JAKMIP2: variants seen among roughly 807,000 people sequenced by gnomAD.
The protein encoded by JAKMIP2 is janus kinase and microtubule interacting protein 2, also known as janus kinase and microtubule-interacting protein 2.
Under a neutral mutation model 115.0 loss-of-function variants are expected in JAKMIP2, and 25 were observed. The observed-to-expected ratio is 0.22, with a 90% CI of 0.16 to 0.30. JAKMIP2 has a LOEUF of 0.30. Ranked by LOEUF, JAKMIP2 falls within the 10% of genes least tolerant of loss-of-function variation. The pLI, the probability that JAKMIP2 is intolerant of heterozygous loss-of-function variation, is 1.00. For synonymous variants in JAKMIP2, 334 were observed against 343.6 expected (o/e 0.97, Z 0.31); for missense variants, 642 against 957.6 (o/e 0.67, Z 4.35).
intron 1 of JAKMIP2, among the ~76,000 whole-genome samples, chr5:147,712,667 A>C (rs1267453353): frequency 6.6e-6 from 1 of 152,094 alleles, no homozygotes; most frequent in Non-Finnish European, 1.5e-5. Context: ...GGATATTTTA[A>C]AACTAGGAAT....
chr5:147,661,640 G>A (rs577659686), intron 2 of JAKMIP2, 195 bp from the exon 3 acceptor site: 6 of 579,802 alleles, frequency 1.0e-5, no homozygotes, highest in African/African-American at 9.3e-5. Flanking sequence ...AATACCTGAG[G>A]ATATTTATAT....
chr5:147,594,981 T>G (rs116170822), intron 21 of JAKMIP2, among the ~76,000 whole-genome samples: 3,296 of 151,876 alleles, frequency 0.022, 131 homozygotes, highest in African/African-American at 0.074. Context: ...GAAGGATGAA[T>G]GGGTATCAAC....
At chr5:147,628,283 A>AT (rs576469928) in intron 16 of JAKMIP2, among the ~76,000 whole-genome samples, 286 of 152,150 alleles carry the variant, frequency 1.9e-3, no homozygotes, top group African/African-American at 6.7e-3. Flanking sequence ...GTCAGTGTTG[A>AT]TTTTCTCCTG....
intron 19 of JAKMIP2, among the ~76,000 whole-genome samples, chr5:147,616,766 T>A (rs975751427): frequency 6.6e-6 from 1 of 152,184 alleles, no homozygotes; most frequent in Non-Finnish European, 1.5e-5. Flanking sequence ...CATGTAGGTA[T>A]TTATCATTTC....
chr5:147,600,755 C>A (rs1480947272), intron 21 of JAKMIP2, among the ~76,000 whole-genome samples: 2 of 152,042 alleles, frequency 1.3e-5, no homozygotes, highest in Non-Finnish European at 2.9e-5. Flanking sequence ...CTCAGCAAGT[C>A]TGAGGTGGGG....
At chr5:147,733,870 G>A (rs937227621) in intron 1 of JAKMIP2, among the ~76,000 whole-genome samples, 2 of 152,088 alleles carry the variant, frequency 1.3e-5, no homozygotes, top group African/African-American at 4.8e-5. Context: ...ATCATTGATG[G>A]GCACTTGGGT....
chr5:147,738,211 A>G (rs1232189902), intron 1 of JAKMIP2, among the ~76,000 whole-genome samples: 1 of 152,098 alleles, frequency 6.6e-6, no homozygotes, highest in African/African-American at 2.4e-5. Flanking sequence ...CAGATACACA[A>G]CTTTAAGCTG....
At chr5:147,665,773 G>A (rs1250713082) in intron 2 of JAKMIP2, among the ~76,000 whole-genome samples, 1 of 152,082 alleles carries the variant, frequency 6.6e-6, no homozygotes, top group East Asian at 1.9e-4. Context: ...GAAGTGTAAG[G>A]TAATATTATT....
intron 1 of JAKMIP2, among the ~76,000 whole-genome samples, chr5:147,679,196 G>A (rs1453155176): frequency 6.6e-6 from 1 of 152,062 alleles, no homozygotes; most frequent in African/African-American, 2.4e-5. Flanking sequence ...GTCCAGGCTG[G>A]TTTTGAACTC....
intron 21 of JAKMIP2, 84 bp from the exon 22 acceptor site, chr5:147,591,770 A>T: frequency 2.4e-6 from 2 of 845,726 alleles, no homozygotes; most frequent in East Asian, 5.3e-5. Context: ...AAAAAGACAC[A>T]AATTTTTTAT....
At chr5:147,673,518 G>A (rs1009462531) in intron 1 of JAKMIP2, among the ~76,000 whole-genome samples, 1 of 152,140 alleles carries the variant, frequency 6.6e-6, no homozygotes, top group African/African-American at 2.4e-5. Flanking sequence ...GTCCCTGGGG[G>A]AAGGGGGCAG....
intron 1 of JAKMIP2, among the ~76,000 whole-genome samples, chr5:147,692,880 C>T (rs1751935483): frequency 6.6e-6 from 1 of 152,132 alleles, no homozygotes; most frequent in African/African-American, 2.4e-5. Flanking sequence ...AAACTGTCAA[C>T]ACTAACACTG....
chr5:147,615,288 T>A (rs778279030), intron 19 of JAKMIP2, among the ~76,000 whole-genome samples: 7 of 152,114 alleles, frequency 4.6e-5, no homozygotes, highest in Admixed American at 1.3e-4. Flanking sequence ...CCTGAATGGG[T>A]TGGATCTTAA....
chr5:147,671,215 G>T (rs1759567466), intron 2 of JAKMIP2, among the ~76,000 whole-genome samples: 1 of 152,196 alleles, frequency 6.6e-6, no homozygotes, highest in Non-Finnish European at 1.5e-5. Context: ...TCCTGTAGTG[G>T]TAGAGAAAGT....
Position 147,591,707 on chromosome 5 carries a change from A to G in JAKMIP2, c.*21-21T>C, listed in dbSNP as rs1294279660. ...TTACTCTGCAAAACAGAGGAAAAAA[A>G]TTATTTATATATCAATTTTGTTAAT... is the stretch of plus-strand genomic sequence containing the variant. On this transcript the variant is annotated intron_variant, in intron 21 of 21. Coordinates refer to ENST00000616793, the MANE Select transcript of JAKMIP2 (RefSeq NM_001270941.2). 9 of 1,454,004 alleles carry G rather than the reference A, an allele frequency of 6.2e-6. No homozygotes were observed. The African/African-American group carries it at 1.3e-4, about 20-fold the overall frequency. The allele number at this position is 1,454,004 out of a possible 1,614,324, so 90.1% of individuals were successfully genotyped here. A position where few individuals can be genotyped will look rare whatever the true frequency, so the allele number is the denominator to read the frequency against.
chr5:147,706,195 A>G (rs1224036476), intron 1 of JAKMIP2, among the ~76,000 whole-genome samples: 1 of 152,164 alleles, frequency 6.6e-6, no homozygotes, highest in Non-Finnish European at 1.5e-5. Flanking sequence ...AAACCTTAAA[A>G]TATATTAATA....
chr5:147,760,394 G>A (rs1754890099), intron 1 of JAKMIP2, among the ~76,000 whole-genome samples: 1 of 87,424 alleles, frequency 1.1e-5, no homozygotes, highest in African/African-American at 3.9e-5. Flanking sequence ...CAAGAGAAGA[G>A]GCAGTCAGTG....
At chr5:147,735,280 A>G (rs1753877822) in intron 1 of JAKMIP2, among the ~76,000 whole-genome samples, 1 of 152,174 alleles carries the variant, frequency 6.6e-6, no homozygotes, top group African/African-American at 2.4e-5. Flanking sequence ...TCAAATGGTA[A>G]AGCGCTCTTC....
At position 147,782,664 on chromosome 5, in the gene JAKMIP2, G is replaced by GGCGGCA. The variant is rs1554087552; in HGVS notation, c.-358_-357insTGCCGC. On this transcript the variant is annotated 5_prime_UTR_variant, in exon 1 of 22. Transcript: ENST00000616793. Reference sequence around the variant, plus strand: ...TATCAGCAATAGAGGCGGCGGCGGCGGCAGCAGCAGCAGCAGCAGCATCAC... The same window carrying GGCGGCA: ...TATCAGCAATAGAGGCGGCGGCGGCGGCGGCAGCAGCAGCAGCAGCAGCAGCATCAC... 47 of 636,770 alleles carry GGCGGCA rather than the reference G, an allele frequency of 7.4e-5. No homozygotes were observed. The East Asian group carries it at 8.0e-4, about 11-fold the overall frequency. 39.4% of individuals were successfully genotyped at this position (636,770 alleles called of 1,614,324 possible).
Sources: gnomAD v4.1 joint callset for allele counts (sites outside exome capture counted in the v4.1 genomes callset) on GRCh38, gnomAD v4.1.1 for gene constraint, MANE v1.5 for transcripts, NCBI Gene and HGNC (gene_info 2026-07-23, HGNC 2026-07-21) for gene names.